Variants in CSMD1 observed in about 807,000 individuals in gnomAD.
CSMD1 encodes CUB and sushi domain-containing protein 1.
CSMD1 carries 213 observed loss-of-function variants against 417.5 expected under a neutral mutation model. The observed-to-expected ratio is 0.51, with a 90% CI of 0.46 to 0.57. The LOEUF (loss-of-function observed/expected upper bound fraction) is 0.57. Among genes scored for constraint, CSMD1 ranks in the 20% least tolerant of loss-of-function variants. The pLI is 0.00. For synonymous variants in CSMD1, 2,862 were observed against 1,736.8 expected, an observed-to-expected ratio of 1.65 and a Z score of -16.11; for missense variants, 6,923 against 4,529.7, an observed-to-expected ratio of 1.53 and a Z score of -15.17.
chr8:4,385,751 G>A (rs910549197), intron 3 of CSMD1, among the ~76,000 whole-genome samples: 1 of 152,174 alleles, frequency 6.6e-6, no homozygotes, highest in Admixed American at 6.5e-5. Context: ...AAAATCTAAA[G>A]AGGAATTCAT....
intron 62 of CSMD1, among the ~76,000 whole-genome samples, chr8:2,959,261 G>C (rs1419110801): frequency 6.6e-6 from 1 of 152,140 alleles, no homozygotes; most frequent in Non-Finnish European, 1.5e-5. Context: ...ACCTTACCAT[G>C]CCCAGATGAT....
intron 3 of CSMD1, among the ~76,000 whole-genome samples, chr8:4,192,455 C>T (rs142707415): frequency 2.5e-4 from 38 of 152,134 alleles, no homozygotes; most frequent in African/African-American, 8.7e-4. Context: ...TGTGGCTCTC[C>T]GTGAATCTCG....
intron 1 of CSMD1, among the ~76,000 whole-genome samples, chr8:4,706,579 T>C (rs184214423): frequency 3.9e-5 from 6 of 152,240 alleles, no homozygotes; most frequent in Non-Finnish European, 7.3e-5. Flanking sequence ...TTATGCCATG[T>C]TTAAATTAGT....
At chr8:3,512,880 G>C (rs1365159274) in intron 10 of CSMD1, among the ~76,000 whole-genome samples, 1 of 152,062 alleles carries the variant, frequency 6.6e-6, no homozygotes, top group Non-Finnish European at 1.5e-5. Flanking sequence ...ACAGGTGTGA[G>C]CCACTGCACT....
intron 5 of CSMD1, among the ~76,000 whole-genome samples, chr8:3,902,411 C>A (rs1423456604): frequency 1.3e-5 from 2 of 152,118 alleles, no homozygotes; most frequent in Non-Finnish European, 1.5e-5. Context: ...AGGCAGCAGT[C>A]CCCATCTTTT....
chr8:3,308,640 G>A (rs939163260), intron 23 of CSMD1, 137 bp from the exon 24 acceptor site: 1 of 642,252 alleles, frequency 1.6e-6, no homozygotes, highest in Non-Finnish European at 2.6e-6. Flanking sequence ...TTACAAAGGG[G>A]AAAAGAAAGA....
intron 2 of CSMD1, among the ~76,000 whole-genome samples, chr8:4,473,419 C>G (rs1287696193): frequency 6.6e-6 from 1 of 152,144 alleles, no homozygotes; most frequent in Non-Finnish European, 1.5e-5. Context: ...TTAATCCAGT[C>G]AGCTTACCTG....
chr8:4,450,872 C>G (rs1050192807), intron 2 of CSMD1, among the ~76,000 whole-genome samples: 1 of 152,128 alleles, frequency 6.6e-6, no homozygotes, highest in African/African-American at 2.4e-5. Context: ...TGTTAATATT[C>G]TTCCAACCAG....
intron 7 of CSMD1, among the ~76,000 whole-genome samples, chr8:3,686,657 A>G (rs1205679335): frequency 6.6e-6 from 1 of 152,184 alleles, no homozygotes; most frequent in African/African-American, 2.4e-5. Flanking sequence ...ACCTTGCTAC[A>G]CTAACACTTA....
chr8:4,766,704 G>C (rs941780780), intron 1 of CSMD1, among the ~76,000 whole-genome samples: 2 of 152,170 alleles, frequency 1.3e-5, no homozygotes, highest in African/African-American at 4.8e-5. Flanking sequence ...CCGAACTCAG[G>C]CTTCCAAGTA....
At position 3,947,022 on chromosome 8, in the gene CSMD1, T is replaced by C. The variant is rs374906980; in HGVS notation, c.818+50881A>G. On this transcript the variant is annotated intron_variant, in intron 5 of 69. Transcript: ENST00000635120. ...ATCTCATATTTCTAATCTCTATGTC[T>C]GTATTTTTCTTGTTCATGGCACTTG... Among the ~76,000 whole-genome samples the C allele has an allele frequency of 5.9e-5, 9 of 152,190 alleles. No homozygotes were observed. In the East Asian group the frequency reaches 1.7e-3, roughly 29 times the overall value.
chr8:4,637,598 G>C (rs1367716621), intron 1 of CSMD1, 40 bp from the exon 2 acceptor site: 1 of 1,319,426 alleles, frequency 7.6e-7, no homozygotes, highest in South Asian at 1.3e-5. Flanking sequence ...TATTATTCTG[G>C]CCATCTTTAA....
In CSMD1 at chr8:3,503,572, G is replaced by A. The variant is rs530206347; in HGVS notation, c.1345-9846C>T. On this transcript the variant is annotated intron_variant, in intron 10 of 69. Coordinates refer to ENST00000635120, the MANE Select transcript of CSMD1 (RefSeq NM_033225.6). ...ACCTTTAAGTATTACTGACATCCCC[G>A]CCCTCAGGGCCCTGCCAAGTCCCTT... is the stretch of plus-strand genomic sequence containing the variant. 1.3e-4 allele frequency among the ~76,000 whole-genome samples: 20 copies of A among 152,260 alleles called. No homozygotes were observed. In the South Asian group the frequency reaches 3.1e-3, roughly 24 times the overall value.
At chr8:3,163,391 G>A (rs1349587981) in intron 37 of CSMD1, among the ~76,000 whole-genome samples, 2 of 151,342 alleles carry the variant, frequency 1.3e-5, no homozygotes, top group Non-Finnish European at 2.9e-5. Context: ...GAGGAGGTGA[G>A]TAGGACTTTA....
At chr8:4,901,750 G>C (rs189149209) in intron 1 of CSMD1, among the ~76,000 whole-genome samples, 13 of 152,246 alleles carry the variant, frequency 8.5e-5, no homozygotes, top group African/African-American at 3.1e-4. Flanking sequence ...CATAGAGGAC[G>C]GTAAGTAAAT....
At chr8:3,846,742 C>CGACTCA (rs1415419830) in intron 5 of CSMD1, among the ~76,000 whole-genome samples, 3 of 152,106 alleles carry the variant, frequency 2.0e-5, no homozygotes, top group African/African-American at 7.2e-5. Context: ...ACTGCAACCT[C>CGACTCA]GACTCACTGC....
Position 4,441,922 on chromosome 8 carries a change from C to G in CSMD1, c.303-21857G>C, listed in dbSNP as rs561384823. On this transcript the variant is annotated intron_variant, in intron 2 of 69. Transcript: ENST00000635120. The stretch of plus-strand genomic sequence containing the variant: ...TAGGAAATTCCTTTATAAATCTTAT[C>G]AGCTTCTTACATAACCATTGTACTG... 2.6e-5 allele frequency among the ~76,000 whole-genome samples: 4 copies of G among 152,284 alleles called. No individual in the cohort carries two copies. The East Asian group carries it at 7.7e-4, about 29-fold the overall frequency.
At chr8:3,106,878 C>T (rs1396736388) in intron 45 of CSMD1, 10 of 359,606 alleles carry the variant, frequency 2.8e-5, no homozygotes, top group Admixed American at 1.8e-4. Flanking sequence ...AGCTTTTCTT[C>T]CTTGACTGAG....
chr8:4,712,382 T>A (rs1328522636), intron 1 of CSMD1, among the ~76,000 whole-genome samples: 1 of 152,256 alleles, frequency 6.6e-6, no homozygotes, highest in East Asian at 1.9e-4. Context: ...CACAGAACTG[T>A]CTAATAATCT....
Sources: allele counts gnomAD v4.1 joint callset (sites outside exome capture counted in the v4.1 genomes callset), GRCh38; gene constraint gnomAD v4.1.1; transcripts MANE v1.5; gene names NCBI Gene and HGNC (gene_info 2026-07-23, HGNC 2026-07-21).